Variants in SETD7 observed in about 807,000 individuals in gnomAD.
SETD7 encodes the protein histone-lysine N-methyltransferase SETD7.
SETD7 carries 16 observed loss-of-function variants against 41.8 expected under a neutral mutation model. That is an observed-to-expected ratio of 0.38 (90% CI 0.26 to 0.58). The LOEUF (loss-of-function observed/expected upper bound fraction) is 0.58. SETD7 is among the 20% of genes least tolerant of loss of function. The pLI is 0.64. For missense variants in SETD7, 346 were observed against 459.7 expected, an observed-to-expected ratio of 0.75 and a Z score of 2.26; for synonymous variants, 163 against 169.7, an observed-to-expected ratio of 0.96 and a Z score of 0.31.
At chr4:139,551,467 T>G (rs1728107795) in intron 1 of SETD7, among the ~76,000 whole-genome samples, 1 of 152,246 alleles carries the variant, frequency 6.6e-6, no homozygotes, top group African/African-American at 2.4e-5. Flanking sequence ...ATTGAACAGA[T>G]AGAAAGTTAC....
chr4:139,503,124 G>A (rs998908570), downstream of SETD7, among the ~76,000 whole-genome samples: 1 of 143,606 alleles, frequency 7.0e-6, no homozygotes, highest in Non-Finnish European at 1.5e-5. Context: ...GTTGCAGTGA[G>A]CTGAGATTGC....
At position 139,520,371 on chromosome 4, in the gene SETD7, A is replaced by G; in HGVS notation, c.668T>C (p.Ile223Thr). 1 of 1,607,284 alleles carries G rather than the reference A, an allele frequency of 6.2e-7. No homozygotes were observed. The highest frequency in any genetic ancestry group is 8.5e-7 in the Non-Finnish European group (1 of 1,176,352). ...AAAAAGTCCTTCTCCAGCACTGGAA[A>G]TAAGAGATTCAGCAACATAAACCCT... ...SERVYVAESLISSAGEGLFSK... is the reference protein window; with the variant it reads ...SERVYVAESLTSSAGEGLFSK... Residue 223 changes from isoleucine (I) to threonine (T), a missense_variant, in exon 6 of 8, where the codon ATT (isoleucine) becomes ACT (threonine). Around this residue, in one of 3 missense-constraint regions of SETD7, gnomAD observed 266 missense variants for 377.0 expected, o/e 0.71. Transcript: ENST00000274031.
intron 4 of SETD7, among the ~76,000 whole-genome samples, chr4:139,528,663 A>G (rs902697283): frequency 5.3e-5 from 8 of 152,210 alleles, no homozygotes; most frequent in African/African-American, 1.9e-4. Flanking sequence ...CATCACAGGT[A>G]TCTGCTTATG....
intron 7 of SETD7, chr4:139,496,537 C>A: frequency 2.9e-6 from 2 of 701,140 alleles, no homozygotes; most frequent in South Asian, 3.0e-5. Context: ...ATTGGAGAAG[C>A]AACTGGCTGA....
In SETD7 at chr4:139,509,747, G is replaced by T; in HGVS notation, c.*1916C>A. ...GCCCATCCGTCACAGTGTATAGAAC[G>T]GTCTCTTTCTACAGAGTAAGAGTGA... On this transcript the variant is annotated 3_prime_UTR_variant, in exon 8 of 8. Coordinates refer to ENST00000274031, the MANE Select transcript of SETD7 (RefSeq NM_030648.4). 1.0e-6 allele frequency: 1 copy of T among 985,394 alleles called. No homozygotes were observed. The highest frequency in any genetic ancestry group is 1.2e-6 in the Non-Finnish European group (1 of 829,924). 61.0% of individuals were successfully genotyped at this position (985,394 alleles called of 1,614,324 possible).
intron 2 of SETD7, among the ~76,000 whole-genome samples, chr4:139,542,003 T>C (rs1579221245): frequency 6.6e-6 from 1 of 152,158 alleles, no homozygotes; most frequent in African/African-American, 2.4e-5. Flanking sequence ...CATTAACAGA[T>C]GAATGAATAA....
intron 7 of SETD7, among the ~76,000 whole-genome samples, chr4:139,516,414 C>T (rs1219458381): frequency 2.2e-5 from 3 of 138,122 alleles, no homozygotes; most frequent in Non-Finnish European, 3.0e-5. Context: ...TGCAGTGAGC[C>T]GAGATCTCAC....
intron 3 of SETD7, among the ~76,000 whole-genome samples, chr4:139,529,996 G>A (rs1223695770): frequency 6.6e-6 from 1 of 152,166 alleles, no homozygotes. Flanking sequence ...TTCATTGCTA[G>A]GGGTCATTGA....
Position 139,517,761 on chromosome 4 carries a change from G to A in SETD7, c.920+124C>T, listed in dbSNP as rs1291785171. 5.9e-6 allele frequency: 6 copies of A among 1,009,548 alleles called. No individual in the cohort carries two copies. In the Admixed American group the frequency reaches 1.5e-4, roughly 26 times the overall value. The allele number at this position is 1,009,548 out of a possible 1,614,324, so 62.5% of individuals were successfully genotyped here. On this transcript the variant is annotated intron_variant, in intron 7 of 7. Coordinates refer to ENST00000274031, the MANE Select transcript of SETD7 (RefSeq NM_030648.4). ...AGTCATAACCCTGAGGCCGATAGCA[G>A]AGGACCCATGGTCATTCAGATGAAG...
chr4:139,503,318 G>A (rs11945081), downstream of SETD7, among the ~76,000 whole-genome samples: 2,622 of 152,028 alleles, frequency 0.017, 80 homozygotes, highest in African/African-American at 0.057. Flanking sequence ...GATACTAAAG[G>A]TTGGCCTTAA....
chr4:139,525,729 C>T (rs1298437136), intron 4 of SETD7, among the ~76,000 whole-genome samples: 1 of 152,160 alleles, frequency 6.6e-6, no homozygotes, highest in African/African-American at 2.4e-5. Context: ...CCTTCCCCAA[C>T]CATTGGACGC....
chr4:139,551,706 C>G (rs1728114881), intron 1 of SETD7, among the ~76,000 whole-genome samples: 1 of 152,026 alleles, frequency 6.6e-6, no homozygotes, highest in South Asian at 2.1e-4. Context: ...GTTTTGTACA[C>G]TAGAACATTG....
chr4:139,530,780 C>A (rs1043431991), intron 3 of SETD7, among the ~76,000 whole-genome samples: 1 of 152,084 alleles, frequency 6.6e-6, no homozygotes, highest in African/African-American at 2.4e-5. Context: ...TCTTTCATTT[C>A]CAAAAGGAGT....
At chr4:139,503,743 T>C (rs1726639476), downstream of SETD7, among the ~76,000 whole-genome samples, 1 of 152,174 alleles carries the variant, frequency 6.6e-6, no homozygotes, top group Non-Finnish European at 1.5e-5. Context: ...ATGATGCAGA[T>C]GAGGCAGACA....
At chr4:139,522,099 C>T (rs772857443) in intron 5 of SETD7, among the ~76,000 whole-genome samples, 7 of 152,206 alleles carry the variant, frequency 4.6e-5, no homozygotes, top group South Asian at 2.1e-4. Flanking sequence ...TCTTGTGTTT[C>T]GGAGCTAACA....
At chr4:139,502,138 A>G (rs1726592159), downstream of SETD7, among the ~76,000 whole-genome samples, 2 of 152,216 alleles carry the variant, frequency 1.3e-5, no homozygotes, top group South Asian at 2.1e-4. Flanking sequence ...AATCATTACA[A>G]TCTCTCATTC....
chr4:139,534,116 G>T (rs1648578811), intron 2 of SETD7, among the ~76,000 whole-genome samples: 1 of 152,124 alleles, frequency 6.6e-6, no homozygotes, highest in Non-Finnish European at 1.5e-5. Context: ...TATACCAGAA[G>T]AAAGCTCACA....
downstream of SETD7, among the ~76,000 whole-genome samples, chr4:139,502,276 C>T (rs1218057918): frequency 6.6e-6 from 1 of 152,204 alleles, no homozygotes; most frequent in Non-Finnish European, 1.5e-5. Flanking sequence ...AAACAATCAA[C>T]ATAATATAAC....
At chr4:139,515,410 T>TG (rs1398250171) in intron 7 of SETD7, among the ~76,000 whole-genome samples, 1 of 152,226 alleles carries the variant, frequency 6.6e-6, no homozygotes, top group African/African-American at 2.4e-5. Context: ...AATCTTCTCT[T>TG]GTCTCCTGTG....
Sources: allele counts gnomAD v4.1 joint callset (sites outside exome capture counted in the v4.1 genomes callset), GRCh38; gene constraint gnomAD v4.1.1; regional missense constraint gnomAD v4.1.1; transcripts MANE v1.5; gene names NCBI Gene and HGNC (gene_info 2026-07-23, HGNC 2026-07-21).